The following SGPL1 variants were observed in gnomAD, a reference collection of about 807,000 sequenced individuals.
SGPL1 encodes SP-lyase 1.
Under a neutral mutation model 68.9 loss-of-function variants are expected in SGPL1, and 37 were observed. The observed-to-expected ratio is 0.54, with a 90% confidence interval of 0.41 to 0.71. The LOEUF is 0.71. Ranked by LOEUF, SGPL1 falls within the 30% of genes least tolerant of loss-of-function variation. The probability of loss-of-function intolerance (pLI) is 0.00; values close to 1 mark genes in which losing one functional copy is unlikely to be tolerated. For synonymous variants in SGPL1, 236 were observed against 248.5 expected (o/e 0.95, Z 0.47); for missense variants, 551 against 704.6 (o/e 0.78, Z 2.47).
At chr10:70,819,402 TGC>T (rs1398557703) in intron 2 of SGPL1, among the ~76,000 whole-genome samples, 1 of 152,194 alleles carries the variant, frequency 6.6e-6, no homozygotes, top group Non-Finnish European at 1.5e-5. Flanking sequence ...TAATGTATAA[TGC>T]TATTTGGAAC....
chr10:70,871,031 A>C lies in SGPL1; in HGVS notation c.811-17A>C. 2 of 1,598,910 alleles carry C rather than the reference A, an allele frequency of 1.3e-6. No individual in the cohort carries two copies. The highest frequency in any genetic ancestry group is 1.7e-6 in the Non-Finnish European group (2 of 1,166,220). On this transcript the variant is annotated splice_polypyrimidine_tract_variant and intron_variant, in intron 9 of 14. Coordinates refer to ENST00000373202, the MANE Select transcript of SGPL1 (RefSeq NM_003901.4). ...GTGACATAGATTCTCATTTTCCTTT[A>C]AACTTTAAATCCCTAGGCAATGAGA...
intron 3 of SGPL1, among the ~76,000 whole-genome samples, chr10:70,849,383 A>C (rs1845841603): frequency 1.3e-5 from 2 of 152,260 alleles, no homozygotes; most frequent in East Asian, 3.8e-4. Context: ...ATCAGTGAGG[A>C]GGATACAGTT....
At chr10:70,841,075 G>A (rs980085946) in intron 2 of SGPL1, among the ~76,000 whole-genome samples, 17 of 152,028 alleles carry the variant, frequency 1.1e-4, no homozygotes, top group African/African-American at 3.9e-4. Context: ...CACACTAGAC[G>A]AGTCTTTATA....
At position 70,869,880 on chromosome 10, in the gene SGPL1, A is replaced by G; in HGVS notation, c.793A>G (p.Met265Val). ...TGTGCGGGTCCCATTGACGAAGATGATGGAGGTGGATGTGCGGGTGAGTCC... is the reference window on the plus strand; with the variant it reads ...TGTGCGGGTCCCATTGACGAAGATGGTGGAGGTGGATGTGCGGGTGAGTCC... ...KIVRVPLTKM[M>V]EVDVRAMRRA... Residue 265 changes from methionine to valine, a missense_variant, in exon 9 of 15, where the codon ATG becomes GTG. Transcript: ENST00000373202. 6.2e-7 allele frequency: 1 copy of G among 1,613,904 alleles called. No homozygotes were observed. The highest frequency in any genetic ancestry group is 8.5e-7 in the Non-Finnish European group (1 of 1,179,914).
At chr10:70,862,815 C>T (rs555882526) in intron 7 of SGPL1, among the ~76,000 whole-genome samples, 3 of 152,276 alleles carry the variant, frequency 2.0e-5, no homozygotes, top group South Asian at 2.1e-4. Flanking sequence ...AAACTCCAGA[C>T]GTGCTACCTT....
intron 8 of SGPL1, among the ~76,000 whole-genome samples, chr10:70,868,741 C>G (rs1421391754): frequency 6.7e-6 from 1 of 149,986 alleles, no homozygotes; most frequent in African/African-American, 2.4e-5. Flanking sequence ...ATCTTTGAAT[C>G]CTGTGATATT....
intron 7 of SGPL1, 68 bp from the exon 8 acceptor site, chr10:70,868,277 A>C (rs1302157446): frequency 9.4e-7 from 1 of 1,066,686 alleles, no homozygotes; most frequent in Non-Finnish European, 1.4e-6. Context: ...AACATTGTCA[A>C]GATCAGGGCA....
chr10:70,859,389 T>A lies in SGPL1; in HGVS notation c.505T>A (p.Trp169Arg). 6.6e-7 allele frequency: 1 copy of A among 1,518,418 alleles called. No homozygotes were observed. The highest frequency in any genetic ancestry group is 8.8e-7 in the Non-Finnish European group (1 of 1,135,020). The allele number at this position is 1,518,418 out of a possible 1,614,324, so 94.1% of individuals were successfully genotyped here. A position where few individuals can be genotyped will look rare whatever the true frequency, so the allele number is the denominator to read the frequency against. The stretch of plus-strand genomic sequence containing the variant: ...TTTGCAGGCTTATGGAGATTTTGCA[T>A]GGAGTAACCCCCTGCATCCAGATAT... ...LLVKAYGDFA[W>R]SNPLHPDIFP... is the part of the protein sequence containing the mutation. Residue 169 changes from tryptophan to arginine, a missense_variant, in exon 7 of 15, where the codon TGG becomes AGG. Physicochemically the swap from Trp to Arg is moderately radical, Grantham distance 101 (BLOSUM62 -3). Transcript: ENST00000373202.
chr10:70,877,346 T>G lies in SGPL1; in HGVS notation c.*11T>G. The G allele has an allele frequency of 6.2e-7, 1 of 1,613,996 alleles. No homozygotes were observed. Among genetic ancestry groups the G allele is most frequent in the Non-Finnish European group, 8.5e-7 (1 of 1,179,852 alleles). ...CCAAAACCCCACTGAACTTGGACCC[T>G]TTCTAGTCTCAAGGGGATTCCAGCC... On this transcript the variant is annotated 3_prime_UTR_variant, in exon 15 of 15. Coordinates refer to ENST00000373202, the MANE Select transcript of SGPL1 (RefSeq NM_003901.4).
At chr10:70,865,387 A>C (rs896653568) in intron 7 of SGPL1, among the ~76,000 whole-genome samples, 2 of 152,020 alleles carry the variant, frequency 1.3e-5, no homozygotes, top group African/African-American at 4.8e-5. Flanking sequence ...GCATTGCTGC[A>C]ATTAAACCAT....
intron 4 of SGPL1, among the ~76,000 whole-genome samples, chr10:70,854,071 C>A (rs140445336): frequency 3.9e-5 from 6 of 152,308 alleles, no homozygotes; most frequent in African/African-American, 1.4e-4. Context: ...AGTCCAAATA[C>A]TGCCCTCAAG....
rs759459021 is a variant in SGPL1 at position 70,860,443 on chromosome 10, A to C, written c.615+944A>C. The C allele has an allele frequency of 1.7e-5, 8 of 468,366 alleles. 1 individual carries two copies. The highest frequency in any genetic ancestry group is 1.3e-4 in the South Asian group (8 of 63,516). 29.0% of individuals were successfully genotyped at this position (468,366 alleles called of 1,614,324 possible). On this transcript the variant is annotated intron_variant, in intron 7 of 14. Coordinates refer to ENST00000373202, the MANE Select transcript of SGPL1 (RefSeq NM_003901.4). ...CTAATATGTTGGCGCCATGAAAATC[A>C]TCATGTTCAAATATTAGTAGTAATA...
At chr10:70,868,523 C>A in intron 8 of SGPL1, 90 bp downstream of exon 8, 1 of 1,029,886 alleles carries the variant, frequency 9.7e-7, no homozygotes, top group Non-Finnish European at 1.5e-6. Flanking sequence ...CATTTTCCTG[C>A]TGCTTCTCTT....
At chr10:70,867,169 T>C (rs976859657) in intron 7 of SGPL1, among the ~76,000 whole-genome samples, 6 of 152,224 alleles carry the variant, frequency 3.9e-5, no homozygotes, top group Admixed American at 3.9e-4. Flanking sequence ...TTGTTTGTTT[T>C]GGAATGATTC....
At position 70,877,344 on chromosome 10, in the gene SGPL1, C is replaced by G. The variant is rs768734116; in HGVS notation, c.*9C>G. The G allele has an allele frequency of 6.2e-7, 1 of 1,613,946 alleles. No individual in the cohort carries two copies. Among genetic ancestry groups the G allele is most frequent in the African/African-American group, 1.3e-5 (1 of 75,042 alleles). On this transcript the variant is annotated 3_prime_UTR_variant, in exon 15 of 15. Coordinates refer to ENST00000373202, the MANE Select transcript of SGPL1 (RefSeq NM_003901.4). ...CTCCAAAACCCCACTGAACTTGGACCCTTTCTAGTCTCAAGGGGATTCCAG... is the reference window on the plus strand; with the variant it reads ...CTCCAAAACCCCACTGAACTTGGACGCTTTCTAGTCTCAAGGGGATTCCAG...
intron 6 of SGPL1, among the ~76,000 whole-genome samples, 153 bp downstream of exon 6, chr10:70,857,843 C>T (rs1016008021): frequency 5.3e-5 from 8 of 152,038 alleles, no homozygotes; most frequent in East Asian, 1.9e-4. Flanking sequence ...CAAACATAGG[C>T]GAATATGTAT....
At chr10:70,821,170 A>T (rs1255609521) in intron 2 of SGPL1, among the ~76,000 whole-genome samples, 1 of 152,196 alleles carries the variant, frequency 6.6e-6, no homozygotes, top group Non-Finnish European at 1.5e-5. Flanking sequence ...CCTGTGTCTC[A>T]TAGAGAATAA....
At chr10:70,828,425 C>A (rs1845473761) in intron 2 of SGPL1, among the ~76,000 whole-genome samples, 1 of 152,172 alleles carries the variant, frequency 6.6e-6, no homozygotes, top group African/African-American at 2.4e-5. Context: ...GGTCTCTAAC[C>A]ATCCTCATTG....
At position 70,816,885 on chromosome 10, in the gene SGPL1, G is replaced by T. The variant is rs759232976; in HGVS notation, c.27+5G>T. On this transcript the variant is annotated splice_donor_5th_base_variant and intron_variant, in intron 2 of 14. Coordinates refer to ENST00000373202, the MANE Select transcript of SGPL1 (RefSeq NM_003901.4). ...AGCACAGACCTTCTGATGTTGGTGA[G>T]CCTTTTGCAGACATCCTCCTGGTTC... 1.9e-6 allele frequency: 3 copies of T among 1,613,948 alleles called. No individual in the cohort carries two copies. The highest frequency in any genetic ancestry group is 2.2e-5 in the South Asian group (2 of 91,084).
Sources: allele counts gnomAD v4.1 joint callset (sites outside exome capture counted in the v4.1 genomes callset), GRCh38; gene constraint gnomAD v4.1.1; transcripts MANE v1.5; gene names NCBI Gene and HGNC (gene_info 2026-07-23, HGNC 2026-07-21).